CAMK1D: variants seen among roughly 807,000 people sequenced by gnomAD.
CAMK1D encodes calcium/calmodulin-dependent protein kinase type 1D.
CAMK1D carries 9 observed loss-of-function variants against 47.7 expected under a neutral mutation model. That is an observed-to-expected ratio of 0.19 (90% CI 0.11 to 0.33). The LOEUF (loss-of-function observed/expected upper bound fraction) is 0.33, where lower values mean the gene tolerates loss of function less well. Among genes scored for constraint, CAMK1D ranks in the 10% least tolerant of loss-of-function variants. CAMK1D has a pLI of 1.00. For synonymous variants in CAMK1D, 184 were observed against 184.9 expected (o/e 0.99, Z 0.04); for missense variants, 291 against 488.7 (o/e 0.60, Z 3.81).
At chr10:12,438,217 G>C (rs545901475) in intron 1 of CAMK1D, among the ~76,000 whole-genome samples, 35 of 152,172 alleles carry the variant, frequency 2.3e-4, no homozygotes, top group Non-Finnish European at 3.8e-4. Context: ...TGCAATTCAG[G>C]TGTCTGAAGT....
chr10:12,715,555 TG>T (rs1407376123), intron 3 of CAMK1D, among the ~76,000 whole-genome samples: 3 of 152,220 alleles, frequency 2.0e-5, no homozygotes, highest in Non-Finnish European at 4.4e-5. Context: ...AAATTATTTG[TG>T]GGAAAATCTA....
intron 1 of CAMK1D, among the ~76,000 whole-genome samples, chr10:12,403,162 G>A (rs2801489): frequency 0.021 from 3,209 of 152,322 alleles, 127 homozygotes; most frequent in African/African-American, 0.073. Context: ...CCCTAATGAT[G>A]CGATCTGAGG....
chr10:12,610,931 C>T (rs899683983), intron 2 of CAMK1D, among the ~76,000 whole-genome samples: 3 of 152,172 alleles, frequency 2.0e-5, no homozygotes, highest in Admixed American at 1.3e-4. Flanking sequence ...CCCGATAACC[C>T]CTTAAGGGAA....
chr10:12,824,549 G>T lies in CAMK1D; in HGVS notation c.918G>T (p.Trp306Cys), dbSNP rs1282662078. 1 of 1,613,118 alleles carries T rather than the reference G, an allele frequency of 6.2e-7. No individual in the cohort carries two copies. The highest frequency in any genetic ancestry group is 8.5e-7 in the Non-Finnish European group (1 of 1,179,118). Residue 306 changes from tryptophan to cysteine, a missense_variant, in exon 9 of 11, where the codon TGG (tryptophan) becomes TGT (cysteine). Trp to Cys is a radical substitution (Grantham distance 215). Coordinates refer to ENST00000619168, the MANE Select transcript of CAMK1D (RefSeq NM_153498.4). ...QIRKNFAKSK[W>C]RQAFNATAVV... ...GGAAAAACTTTGCCAAGAGCAAATG[G>T]AGAGTAAGTGTGGAGTATATGAAAT...
At chr10:12,473,420 C>T (rs748380660) in intron 1 of CAMK1D, among the ~76,000 whole-genome samples, 40 of 151,706 alleles carry the variant, frequency 2.6e-4, no homozygotes, top group Admixed American at 5.9e-4. Flanking sequence ...GGTGACAGAG[C>T]GAGACTCTGA....
rs886119463 is a variant in CAMK1D at position 12,828,943 on chromosome 10, G to A, written c.*56G>A. ...GCTGGGGAAGGGGAGCCCCAGGGTC[G>A]CCAGAGCCGCGAGCCACTCCAGCGA... On this transcript the variant is annotated 3_prime_UTR_variant, in exon 11 of 11. Transcript: ENST00000619168. The A allele has an allele frequency of 1.6e-5, 21 of 1,325,312 alleles. No homozygotes were observed. Among genetic ancestry groups the A allele is most frequent in the South Asian group, 2.9e-5 (2 of 69,002 alleles). 82.1% of individuals were successfully genotyped at this position (1,325,312 alleles called of 1,614,324 possible).
At position 12,828,792 on chromosome 10, in the gene CAMK1D, A is replaced by G; in HGVS notation, c.1063A>G (p.Ser355Gly). 1 of 1,613,568 alleles carries G rather than the reference A, an allele frequency of 6.2e-7. No individual in the cohort carries two copies. The highest frequency in any genetic ancestry group is 8.5e-7 in the Non-Finnish European group (1 of 1,179,738). Residue 355 changes from serine (S) to glycine (G), a missense_variant, in exon 11 of 11, where the codon AGT becomes GGT. Coordinates refer to ENST00000619168, the MANE Select transcript of CAMK1D (RefSeq NM_153498.4). Reference protein sequence around the residue: ...KDCLAPSTLCSFISSSSGVSG... With the variant: ...KDCLAPSTLCGFISSSSGVSG... Reference sequence around the variant, plus strand: ...AGGTCTGGCACCTTCCACGCTCTGTAGTTTCATTTCTTCTTCGTCGGGGGT... The same window carrying G: ...AGGTCTGGCACCTTCCACGCTCTGTGGTTTCATTTCTTCTTCGTCGGGGGT...
intron 1 of CAMK1D, among the ~76,000 whole-genome samples, chr10:12,519,115 G>GT (rs1325309881): frequency 1.1e-5 from 1 of 93,024 alleles, no homozygotes; most frequent in Non-Finnish European, 2.3e-5. Context: ...CCGGGCGGGG[G>GT]GCTGACCCCC....
At chr10:12,412,472 A>AT (rs894462129) in intron 1 of CAMK1D, among the ~76,000 whole-genome samples, 1 of 150,098 alleles carries the variant, frequency 6.7e-6, no homozygotes, top group Non-Finnish European at 1.5e-5. Context: ...AAAAAAAAAA[A>AT]ATTAGCCAGG....
chr10:12,825,760 C>T, intron 10 of CAMK1D, 70 bp downstream of exon 10: 1 of 1,608,158 alleles, frequency 6.2e-7, no homozygotes. Context: ...GAGGAGGGAG[C>T]CGGCATCTGC....
intron 1 of CAMK1D, among the ~76,000 whole-genome samples, chr10:12,371,133 T>C (rs1384827266): frequency 1.3e-5 from 2 of 152,080 alleles, no homozygotes; most frequent in East Asian, 3.9e-4. Context: ...GTGTACAATA[T>C]GTATAAAGTC....
At chr10:12,588,875 T>TGC (rs1194848178) in intron 2 of CAMK1D, among the ~76,000 whole-genome samples, 7 of 136,608 alleles carry the variant, frequency 5.1e-5, no homozygotes, top group African/African-American at 1.1e-4. Context: ...TATGTGTGTG[T>TGC]GTGTGTGTGC....
chr10:12,594,046 C>T (rs1159746282), intron 2 of CAMK1D, among the ~76,000 whole-genome samples: 3 of 152,034 alleles, frequency 2.0e-5, no homozygotes, highest in Non-Finnish European at 4.4e-5. Flanking sequence ...CGTGGTGGCA[C>T]ATGCCTGTAA....
At chr10:12,354,234 T>C (rs1837433182) in intron 1 of CAMK1D, among the ~76,000 whole-genome samples, 1 of 152,142 alleles carries the variant, frequency 6.6e-6, no homozygotes, top group African/African-American at 2.4e-5. Flanking sequence ...TTCCTGTCTG[T>C]AGATGGCTGG....
Position 12,419,640 on chromosome 10 carries a change from G to GCACACACACACACACA in CAMK1D, c.92+69744_92+69759dup, listed in dbSNP as rs111807347. Among the ~76,000 whole-genome samples, 641 of 147,186 alleles carry GCACACACACACACACA rather than the reference G, an allele frequency of 4.4e-3. 9 individuals are homozygous for GCACACACACACACACA. Among genetic ancestry groups the GCACACACACACACACA allele is most frequent in the South Asian group, 0.025 (113 of 4,598 alleles). The stretch of plus-strand genomic sequence containing the variant: ...TCAGTCTTAGATCAGAAGAGAAAAT[G>GCACACACACACACACA]CACACACACACACACACACACACAC... On this transcript the variant is annotated intron_variant, in intron 1 of 10. Transcript: ENST00000619168.
Position 12,761,041 on chromosome 10 carries a change from C to A in CAMK1D, c.393C>A (p.Ala131=). 2 of 1,614,122 alleles carry A rather than the reference C, an allele frequency of 1.2e-6. No homozygotes were observed. The highest frequency in any genetic ancestry group is 1.7e-6 in the Non-Finnish European group (2 of 1,180,018). ...ASTLIRQVLD[A]VYYLHRMGIV... is the part of the protein sequence containing the mutation. Reference sequence around the variant, plus strand: ...CTCTGATCCGCCAAGTCTTGGACGCCGTGTACTATCTCCACAGAATGGGCA... The same window carrying A: ...CTCTGATCCGCCAAGTCTTGGACGCAGTGTACTATCTCCACAGAATGGGCA... The change falls in exon 4 of 11, where the codon GCC becomes GCA. Residue 131 remains alanine, a synonymous_variant. Coordinates refer to ENST00000619168, the MANE Select transcript of CAMK1D (RefSeq NM_153498.4).
In CAMK1D at chr10:12,517,234, C is replaced by T. The variant is rs28878000; in HGVS notation, c.93-35991C>T. On this transcript the variant is annotated intron_variant, in intron 1 of 10. Transcript: ENST00000619168. ...TTGGTTTTTATGTGTATGCTGTGAC[C>T]TTGCCAAACTCACTTAATAGTTCTA... Among the ~76,000 whole-genome samples, 1,131 of 152,210 alleles carry T rather than the reference C, an allele frequency of 7.4e-3. 14 individuals are homozygous for T. The highest frequency in any genetic ancestry group is 0.026 in the African/African-American group (1,080 of 41,532).
intron 1 of CAMK1D, among the ~76,000 whole-genome samples, chr10:12,475,026 T>C (rs957423261): frequency 1.3e-5 from 2 of 152,328 alleles, no homozygotes; most frequent in South Asian, 2.1e-4. Flanking sequence ...GTTGATTCCA[T>C]GTCTTTACTA....
intron 2 of CAMK1D, among the ~76,000 whole-genome samples, chr10:12,603,260 T>C (rs1282010653): frequency 6.6e-6 from 1 of 152,068 alleles, no homozygotes; most frequent in African/African-American, 2.4e-5. Flanking sequence ...GCTCAGCATG[T>C]CCGCATTCCG....
Sources: gnomAD v4.1 joint callset for allele counts (sites outside exome capture counted in the v4.1 genomes callset) on GRCh38, gnomAD v4.1.1 for gene constraint, MANE v1.5 for transcripts, NCBI Gene and HGNC (gene_info 2026-07-23, HGNC 2026-07-21) for gene names.